The following ZNF229 variants were observed in gnomAD, a reference collection of about 807,000 sequenced individuals.
The protein encoded by ZNF229 is zinc finger protein 229.
In ZNF229, 10 loss-of-function variants were observed where a neutral mutation model predicts 11.8. The ratio of observed to expected loss-of-function variants is 0.85; its 90% CI spans 0.52 to 1.44. ZNF229 has a LOEUF of 1.44. Among genes scored for constraint, ZNF229 ranks in the 40% most tolerant of loss-of-function variants. The pLI is 0.00. For missense variants in ZNF229, 1,045 were observed against 1,015.1 expected (o/e 1.03, Z -0.40); for synonymous variants, 368 against 374.8 (o/e 0.98, Z 0.21).
chr19:44,438,292 C>T (rs1971848688), intron 4 of ZNF229, among the ~76,000 whole-genome samples: 1 of 152,078 alleles, frequency 6.6e-6, no homozygotes, highest in African/African-American at 2.4e-5. Flanking sequence ...TGAAAAAGTG[C>T]TTATCATGTT....
At chr19:44,435,481 T>C (rs556706491) in intron 4 of ZNF229, among the ~76,000 whole-genome samples, 2 of 152,262 alleles carry the variant, frequency 1.3e-5, no homozygotes, top group Admixed American at 1.3e-4. Context: ...CAGATATGCT[T>C]AATTCCTCCA....
chr19:44,428,111 G>C lies in ZNF229; in HGVS notation c.*192C>G, dbSNP rs1044097310. 8.3e-6 allele frequency: 5 copies of C among 601,972 alleles called. No homozygotes were observed. The African/African-American group carries it at 9.3e-5, about 11-fold the overall frequency. 37.3% of individuals were successfully genotyped at this position (601,972 alleles called of 1,614,324 possible). A position where few individuals can be genotyped will look rare whatever the true frequency, so the allele number is the denominator to read the frequency against. ...GCTGCACAACAGACTCTTAAAGACTGAAGTTTGTAACTGAAGTGCTAACCT... is the reference window on the plus strand; with the variant it reads ...GCTGCACAACAGACTCTTAAAGACTCAAGTTTGTAACTGAAGTGCTAACCT... On this transcript the variant is annotated 3_prime_UTR_variant, in exon 6 of 6. Transcript: ENST00000614049.
In ZNF229 at chr19:44,442,797, C is replaced by CCCCCCAAAAA; in HGVS notation, c.34+16_34+17insTTTTTGGGGG. The CCCCCCAAAAA allele has an allele frequency of 6.3e-7, 1 of 1,581,642 alleles. No individual in the cohort carries two copies. Among genetic ancestry groups the CCCCCCAAAAA allele is most frequent in the Non-Finnish European group, 8.7e-7 (1 of 1,150,694 alleles). ...GTTTGGATTCTCCCCCCACCCACCC[C>CCCCCCAAAAA]CTCTATTAGCTGTCACCTCTTTTCT... is the stretch of plus-strand genomic sequence containing the variant. On this transcript the variant is annotated intron_variant, in intron 3 of 5. Transcript: ENST00000614049.
At chr19:44,430,724 C>T (rs1971708665) in intron 5 of ZNF229, among the ~76,000 whole-genome samples, 182 bp from the exon 6 acceptor site, 1 of 152,086 alleles carries the variant, frequency 6.6e-6, no homozygotes, top group Non-Finnish European at 1.5e-5. Flanking sequence ...AAGCTAAATG[C>T]TAGTATGATC....
Position 44,442,840 on chromosome 19 carries a change from G to A in ZNF229, c.8C>T (p.Thr3Ile), listed in dbSNP as rs754985398. 2 of 1,560,096 alleles carry A rather than the reference G, an allele frequency of 1.3e-6. No individual in the cohort carries two copies. The highest frequency in any genetic ancestry group is 1.7e-6 in the Non-Finnish European group (2 of 1,149,766). Reference protein sequence around the residue: METLTSRHEKRAL... With the variant: MEILTSRHEKRAL... ...TCTTTTCTCATGCCTTGAGGTCAAA[G>A]TCTCCATGGTCTCTTCTGCTAGGTT... Residue 3 changes from threonine to isoleucine, a missense_variant, in exon 3 of 6, where the codon ACT (threonine) becomes ATT (isoleucine). Physicochemically the swap from Thr to Ile is moderately conservative, Grantham distance 89 (BLOSUM62 -1). Transcript: ENST00000614049.
chr19:44,428,204 A>G lies in ZNF229; in HGVS notation c.*99T>C, dbSNP rs952602768. 3.0e-6 allele frequency: 4 copies of G among 1,332,926 alleles called. No individual in the cohort carries two copies. The Admixed American group carries it at 9.4e-5, about 31-fold the overall frequency. The allele number at this position is 1,332,926 out of a possible 1,614,324, so 82.6% of individuals were successfully genotyped here. A position where few individuals can be genotyped will look rare whatever the true frequency, so the allele number is the denominator to read the frequency against. On this transcript the variant is annotated 3_prime_UTR_variant, in exon 6 of 6. Transcript: ENST00000614049. The stretch of plus-strand genomic sequence containing the variant: ...AAATGTAAAATCATCAGTTTCTCCT[A>G]TAGCCCTCCTACATGTCACTTTCCT...
Position 44,430,479 on chromosome 19 carries a change from T to C in ZNF229, c.302A>G (p.Lys101Arg). The stretch of plus-strand genomic sequence containing the variant: ...CCAGATTTTGCATGAGGAGAGCTCT[T>C]TGTGTGAAAAGAACCTTAATTCTTC... ...QDEELRFFSH[K>R]ELSSCKIWEE... The change falls in exon 6 of 6, where the codon AAA becomes AGA. Residue 101 changes from lysine to arginine, a missense_variant. Coordinates refer to ENST00000614049, the MANE Select transcript of ZNF229 (RefSeq NM_014518.4). 1 of 1,614,130 alleles carries C rather than the reference T, an allele frequency of 6.2e-7. No homozygotes were observed. Among genetic ancestry groups the C allele is most frequent in the Non-Finnish European group, 8.5e-7 (1 of 1,180,026 alleles).
chr19:44,436,646 G>T (rs979760737), intron 4 of ZNF229, among the ~76,000 whole-genome samples: 2 of 151,800 alleles, frequency 1.3e-5, no homozygotes, highest in South Asian at 2.1e-4. Flanking sequence ...AGGTGTGATG[G>T]CGCACCTGTA....
chr19:44,442,798 C>CCCAAAAAAAAG lies in ZNF229; in HGVS notation c.34+15_34+16insCTTTTTTTTGG. On this transcript the variant is annotated intron_variant, in intron 3 of 5. Coordinates refer to ENST00000614049, the MANE Select transcript of ZNF229 (RefSeq NM_014518.4). ...TTTGGATTCTCCCCCCACCCACCCCCTCTATTAGCTGTCACCTCTTTTCTC... is the reference window on the plus strand; with the variant it reads ...TTTGGATTCTCCCCCCACCCACCCCCCCAAAAAAAAGTCTATTAGCTGTCACCTCTTTTCTC... The CCCAAAAAAAAG allele has an allele frequency of 6.3e-7, 1 of 1,587,026 alleles. No individual in the cohort carries two copies. The highest frequency in any genetic ancestry group is 8.7e-7 in the Non-Finnish European group (1 of 1,155,630).
chr19:44,431,880 G>C, intron 5 of ZNF229: 1 of 888,472 alleles, frequency 1.1e-6, no homozygotes, highest in Non-Finnish European at 1.4e-6. Flanking sequence ...GTCTTCCGGA[G>C]GTAATTAAGT....
At chr19:44,448,032 T>C (rs74544477) in intron 1 of ZNF229, among the ~76,000 whole-genome samples, 4,672 of 152,284 alleles carry the variant, frequency 0.031, 99 homozygotes, top group Non-Finnish European at 0.044. Context: ...AGGATAAAAT[T>C]AGAACACAGG....
chr19:44,428,983 A>T lies in ZNF229; in HGVS notation c.1798T>A (p.Tyr600Asn). 1 of 1,613,670 alleles carries T rather than the reference A, an allele frequency of 6.2e-7. No homozygotes were observed. Reference protein sequence around the residue: ...HQRVHTGERPYVCDVCGKGFI... With the variant: ...HQRVHTGERPNVCDVCGKGFI... ...CCCTTCCCACACACGTCACACACGT[A>T]GGGCCTCTCTCCCGTGTGGACCCTC... The change falls in exon 6 of 6, where the codon TAC becomes AAC. Residue 600 changes from tyrosine to asparagine, a missense_variant. Coordinates refer to ENST00000614049, the MANE Select transcript of ZNF229 (RefSeq NM_014518.4).
rs572625519 is a variant in ZNF229, at chr19:44,429,429, T to C, written c.1352A>G (p.His451Arg). 8 of 1,613,986 alleles carry C rather than the reference T, an allele frequency of 5.0e-6. No homozygotes were observed. In the South Asian group the frequency reaches 8.8e-5, roughly 18 times the overall value. The stretch of plus-strand genomic sequence containing the variant: ...CTTTTCTCCAGGGTGAATGTGCTGG[T>C]GTTTGTGCAGTGCAGACTTGGCACA... ...GFCAKSALHK[H>R]QHIHPGEKPY... The change falls in exon 6 of 6, where the codon CAC becomes CGC. Residue 451 changes from histidine to arginine, a missense_variant. Coordinates refer to ENST00000614049, the MANE Select transcript of ZNF229 (RefSeq NM_014518.4).
Position 44,428,813 on chromosome 19 carries a change from G to A in ZNF229, c.1968C>T (p.Tyr656=). ...HQRVHTGEKP[Y]RCQECGKGFR... ...AGCCCTTTCCGCACTCTTGGCATCT[G>A]TAAGGTTTCTCGCCTGTGTGGACTC... is the stretch of plus-strand genomic sequence containing the variant. Residue 656 remains tyrosine, a synonymous_variant, in exon 6 of 6, where the codon TAC becomes TAT. Transcript: ENST00000614049. 6.2e-7 allele frequency: 1 copy of A among 1,613,176 alleles called. No individual in the cohort carries two copies. Among genetic ancestry groups the A allele is most frequent in the Non-Finnish European group, 8.5e-7 (1 of 1,179,516 alleles).
In ZNF229 at chr19:44,429,329, G is replaced by C. The variant is rs59505617; in HGVS notation, c.1452C>G (p.Thr484=). The C allele has an allele frequency of 1.2e-6, 2 of 1,613,914 alleles. No homozygotes were observed. Among genetic ancestry groups the C allele is most frequent in the South Asian group, 2.2e-5 (2 of 91,094 alleles). ...SHLSSHQKTH[T]GERPYQCDKC... Reference sequence around the variant, plus strand: ...TGTCACACTGGTAGGGCCTCTCGCCGGTGTGTGTCTTCTGATGACTGCTGA... The same window carrying C: ...TGTCACACTGGTAGGGCCTCTCGCCCGTGTGTGTCTTCTGATGACTGCTGA... Residue 484 remains threonine (T), a synonymous_variant, in exon 6 of 6, where the codon ACC becomes ACG. Transcript: ENST00000614049.
chr19:44,432,451 T>A, intron 4 of ZNF229, 85 bp from the exon 5 acceptor site: 10 of 1,558,788 alleles, frequency 6.4e-6, no homozygotes, highest in Middle Eastern at 2.3e-4. Flanking sequence ...AATAAAAAAA[T>A]TTAAAAATCT....
At position 44,428,562 on chromosome 19, in the gene ZNF229, T is replaced by C; in HGVS notation, c.2219A>G (p.Tyr740Cys). ...HKRVHTGEKP[Y>C]RCHVCGKGYS... The stretch of plus-strand genomic sequence containing the variant: ...GCCCTTCCCACACACGTGGCATCTG[T>C]ATGGCTTCTCGCCAGTGTGCACTCT... Residue 740 changes from tyrosine to cysteine, a missense_variant, in exon 6 of 6, where the codon TAC becomes TGC. Physicochemically the swap from Tyr to Cys is radical, Grantham distance 194. Coordinates refer to ENST00000614049, the MANE Select transcript of ZNF229 (RefSeq NM_014518.4). The C allele has an allele frequency of 6.2e-7, 1 of 1,613,772 alleles. No homozygotes were observed. Among genetic ancestry groups the C allele is most frequent in the Non-Finnish European group, 8.5e-7 (1 of 1,179,954 alleles).
intron 4 of ZNF229, among the ~76,000 whole-genome samples, chr19:44,433,579 T>C (rs893906092): frequency 2.6e-5 from 4 of 152,068 alleles, no homozygotes; most frequent in Admixed American, 2.6e-4. Flanking sequence ...GCCACACTTC[T>C]TGCTTTAGGC....
intron 2 of ZNF229, among the ~76,000 whole-genome samples, chr19:44,444,009 C>T (rs533661877): frequency 7.8e-4 from 119 of 152,246 alleles, no homozygotes; most frequent in Non-Finnish European, 1.4e-3. Flanking sequence ...ACCTTTCACA[C>T]GGCCTCCATG....
Sources: gnomAD v4.1 joint callset for allele counts (sites outside exome capture counted in the v4.1 genomes callset) on GRCh38, gnomAD v4.1.1 for gene constraint, MANE v1.5 for transcripts, NCBI Gene and HGNC (gene_info 2026-07-23, HGNC 2026-07-21) for gene names.